FOXP2: variants seen among roughly 807,000 people sequenced by gnomAD.
FOXP2 encodes the protein forkhead box P2, also known as forkhead box protein P2.
In FOXP2, 12 loss-of-function variants were observed where a neutral mutation model predicts 115.8. The observed-to-expected ratio is 0.10, with a 90% CI of 0.07 to 0.17. FOXP2 has a LOEUF of 0.17. Ranked by LOEUF, FOXP2 falls within the 10% of genes least tolerant of loss-of-function variation. FOXP2 has a pLI of 1.00. For missense variants in FOXP2, 629 were observed against 843.5 expected (o/e 0.75, Z 3.15); for synonymous variants, 328 against 297.7 (o/e 1.10, Z -1.05).
At chr7:114,397,398 C>T (rs1191101188) in intron 2 of FOXP2, among the ~76,000 whole-genome samples, 1 of 151,936 alleles carries the variant, frequency 6.6e-6, no homozygotes, top group Non-Finnish European at 1.5e-5. Flanking sequence ...AGACAATAAA[C>T]ATAGAAAAAT....
intron 1 of FOXP2, among the ~76,000 whole-genome samples, chr7:114,279,135 T>G: frequency 6.6e-6 from 1 of 152,182 alleles, no homozygotes; most frequent in East Asian, 1.9e-4. Context: ...TAATATTAAT[T>G]CAGAATTTTT....
intron 1 of FOXP2, among the ~76,000 whole-genome samples, chr7:114,112,095 C>G (rs1295319343): frequency 6.6e-6 from 1 of 152,036 alleles, no homozygotes; most frequent in Non-Finnish European, 1.5e-5. Flanking sequence ...TGCAATTATA[C>G]TTTGTCACTA....
intron 2 of FOXP2, among the ~76,000 whole-genome samples, chr7:114,323,863 G>T (rs560052574): frequency 2.0e-5 from 3 of 151,920 alleles, no homozygotes; most frequent in Non-Finnish European, 4.4e-5. Context: ...AAAATGTAGA[G>T]ACCAAAGTTT....
chr7:114,433,191 G>A (rs1794189485), intron 2 of FOXP2, among the ~76,000 whole-genome samples: 2 of 151,832 alleles, frequency 1.3e-5, no homozygotes, highest in African/African-American at 4.8e-5. Context: ...TGCTCTTATT[G>A]AGCATTTGTG....
intron 1 of FOXP2, among the ~76,000 whole-genome samples, chr7:114,164,302 TG>T (rs1792916128): frequency 6.6e-6 from 1 of 152,080 alleles, no homozygotes; most frequent in Non-Finnish European, 1.5e-5. Flanking sequence ...TTTTTTTGTT[TG>T]TTTTTTTCGT....
At chr7:114,463,343 A>T (rs752811633) in intron 2 of FOXP2, among the ~76,000 whole-genome samples, 8 of 152,234 alleles carry the variant, frequency 5.3e-5, no homozygotes, top group Non-Finnish European at 8.8e-5. Flanking sequence ...TTCTGTGATG[A>T]TATAAATGTT....
chr7:114,475,260 C>T (rs977184205), intron 2 of FOXP2, among the ~76,000 whole-genome samples: 5 of 151,920 alleles, frequency 3.3e-5, no homozygotes, highest in Admixed American at 6.6e-5. Context: ...AATGTGAGTC[C>T]GTTACTTGTC....
At chr7:114,507,551 CA>C (rs910546095) in intron 2 of FOXP2, among the ~76,000 whole-genome samples, 1 of 151,532 alleles carries the variant, frequency 6.6e-6, no homozygotes, top group Non-Finnish European at 1.5e-5. Flanking sequence ...AATTTTTTCG[CA>C]AAAAAATGAA....
chr7:114,297,496 T>TA (rs1796770329), intron 2 of FOXP2: 1 of 308,696 alleles, frequency 3.2e-6, no homozygotes, highest in East Asian at 7.5e-5. Flanking sequence ...AAGTGCCCAA[T>TA]AGTCCATCAA....
chr7:114,330,290 T>G (rs1797669413), intron 2 of FOXP2, among the ~76,000 whole-genome samples: 2 of 151,974 alleles, frequency 1.3e-5, no homozygotes, highest in African/African-American at 4.8e-5. Context: ...TTCTGACTTA[T>G]GAGGCATATA....
intron 16 of FOXP2, among the ~76,000 whole-genome samples, chr7:114,681,617 T>A (rs549581292): frequency 6.6e-6 from 1 of 152,202 alleles, no homozygotes; most frequent in Non-Finnish European, 1.5e-5. Context: ...TACTTTGAAA[T>A]TTACTTTCTT....
intron 1 of FOXP2, among the ~76,000 whole-genome samples, chr7:114,165,728 A>C (rs1196933692): frequency 6.6e-6 from 1 of 152,178 alleles, no homozygotes; most frequent in Non-Finnish European, 1.5e-5. Context: ...ATCCCAGTCA[A>C]AATCCCAGCA....
intron 1 of FOXP2, among the ~76,000 whole-genome samples, chr7:114,422,541 C>T (rs1384036518): frequency 1.3e-5 from 2 of 151,462 alleles, no homozygotes; most frequent in African/African-American, 2.4e-5. Flanking sequence ...TATATAGATA[C>T]ACATATTCAT....
chr7:114,181,099 T>A (rs1003184817), intron 1 of FOXP2, among the ~76,000 whole-genome samples: 2 of 151,794 alleles, frequency 1.3e-5, no homozygotes, highest in African/African-American at 4.8e-5. Context: ...ACTCCACCTA[T>A]GCTGGTTTAA....
At chr7:114,261,589 T>G (rs958044698) in intron 1 of FOXP2, among the ~76,000 whole-genome samples, 2 of 152,160 alleles carry the variant, frequency 1.3e-5, no homozygotes, top group African/African-American at 4.8e-5. Context: ...CAGTGTGATG[T>G]AAAACAAATT....
intron 2 of FOXP2, among the ~76,000 whole-genome samples, chr7:114,449,746 T>C (rs1029997397): frequency 1.3e-5 from 2 of 152,164 alleles, no homozygotes; most frequent in Admixed American, 1.3e-4. Context: ...CGTATAATTT[T>C]ACCTGTATTC....
intron 16 of FOXP2, among the ~76,000 whole-genome samples, chr7:114,688,243 ACAC>A (rs1808475962): frequency 1.3e-5 from 1 of 79,902 alleles, no homozygotes; most frequent in South Asian, 4.4e-4. Flanking sequence ...ACACACACAC[ACAC>A]ATCTTTTTTT....
chr7:114,389,683 T>A (rs923900007), intron 2 of FOXP2, among the ~76,000 whole-genome samples: 1 of 152,082 alleles, frequency 6.6e-6, no homozygotes, highest in Admixed American at 6.6e-5. Flanking sequence ...CCATAGAATA[T>A]ATAATGAGAC....
At chr7:114,585,060 G>A (rs548882240) in intron 3 of FOXP2, among the ~76,000 whole-genome samples, 36 of 152,136 alleles carry the variant, frequency 2.4e-4, no homozygotes, top group Non-Finnish European at 4.9e-4. Flanking sequence ...ATAGTTTTGA[G>A]TGAAACTGTA....
Sources: allele counts gnomAD v4.1 joint callset (sites outside exome capture counted in the v4.1 genomes callset), GRCh38; gene constraint gnomAD v4.1.1; transcripts MANE v1.5; gene names NCBI Gene and HGNC (gene_info 2026-07-23, HGNC 2026-07-21).